The following ADAMTS16 variants were observed in gnomAD, a reference collection of about 807,000 sequenced individuals.
ADAMTS16 encodes A disintegrin and metalloproteinase with thrombospondin motifs 16.
A neutral mutation model predicts 145.8 loss-of-function variants in ADAMTS16; 94 were observed. That is an observed-to-expected ratio of 0.64 (90% CI 0.55 to 0.77). The LOEUF (loss-of-function observed/expected upper bound fraction) is 0.77, where lower values mean the gene tolerates loss of function less well. Among genes scored for constraint, ADAMTS16 ranks in the 30% least tolerant of loss-of-function variants. The pLI is 0.00. For missense variants in ADAMTS16, 1,585 were observed against 1,591.5 expected (o/e 1.00, Z 0.07); for synonymous variants, 659 against 604.3 (o/e 1.09, Z -1.33).
intron 3 of ADAMTS16, among the ~76,000 whole-genome samples, chr5:5,167,799 A>T (rs1480968953): frequency 2.0e-5 from 3 of 152,254 alleles, no homozygotes; most frequent in African/African-American, 7.2e-5. Context: ...TCAGGGTAGT[A>T]GCCACCCGCC....
intron 3 of ADAMTS16, among the ~76,000 whole-genome samples, chr5:5,151,060 G>T (rs573044283): frequency 3.3e-5 from 5 of 151,622 alleles, no homozygotes; most frequent in South Asian, 2.1e-4. Context: ...TTTTTTCCTG[G>T]CAGTTCAAAT....
chr5:5,262,918 C>G, intron 18 of ADAMTS16, 135 bp downstream of exon 18: 1 of 1,292,790 alleles, frequency 7.7e-7, no homozygotes, highest in South Asian at 1.5e-5. Context: ...GCAAAGGGGA[C>G]AAGAGCTGCC....
At position 5,173,622 on chromosome 5, in the gene ADAMTS16, C is replaced by T. The variant is rs191303054; in HGVS notation, c.502-8422C>T. Among the ~76,000 whole-genome samples, 261 of 151,932 alleles carry T rather than the reference C, an allele frequency of 1.7e-3. 6 individuals carry two copies. The East Asian group carries it at 0.028, about 16-fold the overall frequency. On this transcript the variant is annotated intron_variant, in intron 3 of 22. Coordinates refer to ENST00000274181, the MANE Select transcript of ADAMTS16 (RefSeq NM_139056.4). ...CTGAGTAGCTGGGACTACAGGTGCC[C>T]GCCACCACGCCCAGCTAATTTTTTG... is the stretch of plus-strand genomic sequence containing the variant.
intron 3 of ADAMTS16, among the ~76,000 whole-genome samples, chr5:5,150,309 G>C (rs754613122): frequency 2.6e-5 from 4 of 152,178 alleles, no homozygotes; most frequent in Non-Finnish European, 5.9e-5. Flanking sequence ...ACTGTGCAGA[G>C]GTTAGCAACT....
At chr5:5,275,475 GTTC>G (rs1242523652) in intron 18 of ADAMTS16, among the ~76,000 whole-genome samples, 3 of 151,840 alleles carry the variant, frequency 2.0e-5, no homozygotes, top group African/African-American at 4.8e-5. Context: ...AATCTGTTAT[GTTC>G]TTATGTTTGT....
chr5:5,266,371 C>G (rs971510246), intron 18 of ADAMTS16, among the ~76,000 whole-genome samples: 1 of 152,154 alleles, frequency 6.6e-6, no homozygotes, highest in Non-Finnish European at 1.5e-5. Flanking sequence ...CCCACAGGAC[C>G]AGGCATAGAA....
rs1213270035 is a variant in ADAMTS16, at chr5:5,209,123, G to A, written c.1482G>A (p.Gln494=). The part of the protein sequence containing the change: ...STAQAICLAD[Q]PKPVKEYKYP... ...CTCAAGCTATCTGCCTTGCTGATCA[G>A]CCAAAGCCTGTGAAGGAATACAAGT... The change falls in exon 10 of 23, where the codon CAG becomes CAA. Residue 494 remains glutamine, a synonymous_variant. Coordinates refer to ENST00000274181, the MANE Select transcript of ADAMTS16 (RefSeq NM_139056.4). 3 of 1,613,708 alleles carry A rather than the reference G, an allele frequency of 1.9e-6. No homozygotes were observed. In the African/African-American group the frequency reaches 4.0e-5, roughly 22 times the overall value.
Position 5,187,753 on chromosome 5 carries a change from T to A in ADAMTS16, c.992T>A (p.Ile331Lys). Residue 331 changes from isoleucine to lysine, a missense_variant, in exon 6 of 23, where the codon ATA (isoleucine) becomes AAA (lysine). Physicochemically the swap from Ile to Lys is moderately radical, Grantham distance 102. Coordinates refer to ENST00000274181, the MANE Select transcript of ADAMTS16 (RefSeq NM_139056.4). Reference sequence around the variant, plus strand: ...TCTGCTTTATTCAAAGATGGAACAATAGGAGGAAACATCAACATTGCAATT... The same window carrying A: ...TCTGCTTTATTCAAAGATGGAACAAAAGGAGGAAACATCAACATTGCAATT... ...MVSALFKDGT[I>K]GGNINIAIVG... 1 of 1,612,694 alleles carries A rather than the reference T, an allele frequency of 6.2e-7. No homozygotes were observed. Among genetic ancestry groups the A allele is most frequent in the Non-Finnish European group, 8.5e-7 (1 of 1,178,842 alleles).
rs562309442 is a variant in ADAMTS16, at chr5:5,229,105, T to C, written c.1702-3263T>C. On this transcript the variant is annotated intron_variant, in intron 11 of 22. Coordinates refer to ENST00000274181, the MANE Select transcript of ADAMTS16 (RefSeq NM_139056.4). The stretch of plus-strand genomic sequence containing the variant: ...CGAGGTCAGGAGATCGAGACCATCC[T>C]GGCTAACACGGTGAAACCCCGTCTC... Among the ~76,000 whole-genome samples, 734 of 151,844 alleles carry C rather than the reference T, an allele frequency of 4.8e-3. 7 individuals are homozygous for C. The highest frequency in any genetic ancestry group is 0.016 in the African/African-American group (678 of 41,404).
intron 17 of ADAMTS16, among the ~76,000 whole-genome samples, chr5:5,244,949 A>G (rs2964426): frequency 0.1 from 15,884 of 152,208 alleles, 907 homozygotes; most frequent in South Asian, 0.15. Flanking sequence ...ATTTCCCCCA[A>G]TAGTCTTAAC....
At chr5:5,206,249 A>AC (rs1736107177) in intron 9 of ADAMTS16, among the ~76,000 whole-genome samples, 2 of 146,722 alleles carry the variant, frequency 1.4e-5, no homozygotes, top group South Asian at 2.3e-4. Flanking sequence ...ACACGGTGAA[A>AC]CCCCGTCTCT....
chr5:5,221,126 A>G (rs1257159538), intron 10 of ADAMTS16, among the ~76,000 whole-genome samples: 1 of 151,700 alleles, frequency 6.6e-6, no homozygotes, highest in African/African-American at 2.4e-5. Context: ...GTTTTAAGGG[A>G]GTTTATTTTT....
At chr5:5,157,307 A>G (rs1427216441) in intron 3 of ADAMTS16, among the ~76,000 whole-genome samples, 3 of 152,014 alleles carry the variant, frequency 2.0e-5, no homozygotes, top group African/African-American at 7.2e-5. Flanking sequence ...TTTTTTCTTC[A>G]TATTTAATTG....
In ADAMTS16 at chr5:5,140,407, C is replaced by G. The variant is rs1036529356; in HGVS notation, c.-61C>G. ...CTGCCTGGGTCGGGTCCTCCCTGCC[C>G]GCTCGCACGCTGCCGGCCGGGGACC... On this transcript the variant is annotated 5_prime_UTR_variant, in exon 1 of 23. Coordinates refer to ENST00000274181, the MANE Select transcript of ADAMTS16 (RefSeq NM_139056.4). 3 of 1,470,566 alleles carry G rather than the reference C, an allele frequency of 2.0e-6. No individual in the cohort carries two copies. The Admixed American group carries it at 7.0e-5, about 34-fold the overall frequency. 91.1% of individuals were successfully genotyped at this position (1,470,566 alleles called of 1,614,324 possible).
intron 3 of ADAMTS16, among the ~76,000 whole-genome samples, chr5:5,177,916 AGTCT>A (rs1735243558): frequency 6.6e-6 from 1 of 152,134 alleles, no homozygotes. Context: ...GTTCACTGGG[AGTCT>A]GTCTCATTGC....
At position 5,306,051 on chromosome 5, in the gene ADAMTS16, C is replaced by T. The variant is rs116524362; in HGVS notation, c.3187-453C>T. Among the ~76,000 whole-genome samples the T allele has an allele frequency of 1.4e-3, 208 of 152,324 alleles. 1 individual carries two copies. The highest frequency in any genetic ancestry group is 4.7e-3 in the African/African-American group (196 of 41,580). ...GCACGCTTCCTTTCCTCGCAGGCAG[C>T]ACTCAGATGCCTAGGGAAGATTGTG... On this transcript the variant is annotated intron_variant, in intron 20 of 22. Transcript: ENST00000274181.
chr5:5,146,554 C>T (rs1431104462), intron 3 of ADAMTS16, 99 bp downstream of exon 3: 1 of 1,251,494 alleles, frequency 8.0e-7, no homozygotes, highest in African/African-American at 1.5e-5. Flanking sequence ...AGATGTTCTT[C>T]TAGTACTGCA....
At chr5:5,152,509 A>G (rs1405002815) in intron 3 of ADAMTS16, among the ~76,000 whole-genome samples, 1 of 152,242 alleles carries the variant, frequency 6.6e-6, no homozygotes, top group East Asian at 1.9e-4. Flanking sequence ...AGCTTCTGCA[A>G]TATGGAACTG....
At chr5:5,256,627 C>T (rs1010564074) in intron 17 of ADAMTS16, among the ~76,000 whole-genome samples, 9 of 152,166 alleles carry the variant, frequency 5.9e-5, no homozygotes, top group South Asian at 2.1e-4. Flanking sequence ...AAACTAAGGA[C>T]ATTAATAAAG....
Sources: allele counts gnomAD v4.1 joint callset (sites outside exome capture counted in the v4.1 genomes callset), GRCh38; gene constraint gnomAD v4.1.1; transcripts MANE v1.5; gene names NCBI Gene and HGNC (gene_info 2026-07-23, HGNC 2026-07-21).